Variants in ATIC observed in about 807,000 individuals in gnomAD.
The protein encoded by ATIC is bifunctional purine biosynthesis protein ATIC.
A neutral mutation model predicts 72.5 loss-of-function variants in ATIC; 64 were observed. The ratio of observed to expected loss-of-function variants is 0.88; its 90% CI spans 0.72 to 1.09. The LOEUF is 1.09. Ranked by LOEUF, ATIC falls within the 50% of genes least tolerant of loss-of-function variation. The probability of loss-of-function intolerance (pLI) is 0.00; values close to 1 mark genes in which losing one functional copy is unlikely to be tolerated. For synonymous variants in ATIC, 281 were observed against 267.1 expected, an observed-to-expected ratio of 1.05 and a Z score of -0.51; for missense variants, 787 against 732.4, an observed-to-expected ratio of 1.07 and a Z score of -0.86.
Position 215,312,137 on chromosome 2 carries a change from G to A in ATIC, c.-6G>A, listed in dbSNP as rs1384162710. On this transcript the variant is annotated 5_prime_UTR_variant, in exon 1 of 16. Coordinates refer to ENST00000236959, the MANE Select transcript of ATIC (RefSeq NM_004044.7). ...CCCGCTCGCCCTGAACCCAGTGCCT[G>A]CAGCCATGGCTCCCGGCCAGCTCGG... The A allele has an allele frequency of 6.5e-7, 1 of 1,526,802 alleles. No individual in the cohort carries two copies. The highest frequency in any genetic ancestry group is 2.5e-5 in the East Asian group (1 of 40,024). The allele number at this position is 1,526,802 out of a possible 1,614,324, so 94.6% of individuals were successfully genotyped here. A position where few individuals can be genotyped will look rare whatever the true frequency, so the allele number is the denominator to read the frequency against.
At position 215,346,817 on chromosome 2, in the gene ATIC, A is replaced by C; in HGVS notation, c.1379A>C (p.Asp460Ala). ...ATACACTGCACTCGCCTTGCAGGAG[A>C]TAAGGCAAACTATTGGTGGCTTAGA... ...SRIHCTRLAGDKANYWWLRHH... is the reference protein window; with the variant it reads ...SRIHCTRLAGAKANYWWLRHH... Residue 460 changes from aspartate to alanine, a missense_variant, in exon 14 of 16, where the codon GAT becomes GCT. Coordinates refer to ENST00000236959, the MANE Select transcript of ATIC (RefSeq NM_004044.7). The C allele has an allele frequency of 6.2e-7, 1 of 1,614,182 alleles. No individual in the cohort carries two copies. Among genetic ancestry groups the C allele is most frequent in the Non-Finnish European group, 8.5e-7 (1 of 1,180,042 alleles).
At chr2:215,328,458 C>T (rs950656406) in intron 7 of ATIC, among the ~76,000 whole-genome samples, 1 of 152,132 alleles carries the variant, frequency 6.6e-6, no homozygotes, top group African/African-American at 2.4e-5. Context: ...GCTAGCCCCT[C>T]CGCCCTGTGC....
chr2:215,317,415 T>C (rs762601837), intron 2 of ATIC, among the ~76,000 whole-genome samples: 1 of 152,260 alleles, frequency 6.6e-6, no homozygotes, highest in Admixed American at 6.5e-5. Flanking sequence ...TAACCCGTTA[T>C]TCCAATAGCA....
chr2:215,316,732 CAGTTTTGCTTCCTGCTTTA>C (rs1168380865), intron 2 of ATIC, among the ~76,000 whole-genome samples: 1 of 152,078 alleles, frequency 6.6e-6, no homozygotes, highest in Non-Finnish European at 1.5e-5. Context: ...AAGATAGATG[CAGTTTTGCTTCCTGCTTTA>C]TTTATTTTTA....
chr2:215,337,390 C>T (rs1234306859), intron 11 of ATIC, among the ~76,000 whole-genome samples: 6 of 151,866 alleles, frequency 4.0e-5, no homozygotes. Flanking sequence ...TTTTTTTAGC[C>T]ACTTGACAGT....
At chr2:215,362,104 A>C in the ATIC span, 1 of 1,555,282 alleles carries the variant, frequency 6.4e-7, no homozygotes, top group Non-Finnish European at 8.9e-7. Flanking sequence ...GCATGAAGTC[A>C]AATGGGGTTT....
chr2:215,334,688 A>G (rs1403549432), intron 9 of ATIC, among the ~76,000 whole-genome samples: 6 of 152,212 alleles, frequency 3.9e-5, no homozygotes, highest in Non-Finnish European at 8.8e-5. Flanking sequence ...TAGTATATAT[A>G]AATTGGTCCT....
At chr2:215,316,393 A>T (rs923487646) in intron 2 of ATIC, among the ~76,000 whole-genome samples, 2 of 152,152 alleles carry the variant, frequency 1.3e-5, no homozygotes, top group Admixed American at 1.3e-4. Flanking sequence ...TTAACAGGAG[A>T]ATCTACCCAG....
rs1182603505 is a variant in ATIC at position 215,325,340 on chromosome 2, A to G, written c.379+11A>G. 6.3e-7 allele frequency: 1 copy of G among 1,597,072 alleles called. No homozygotes were observed. Among genetic ancestry groups the G allele is most frequent in the African/African-American group, 1.3e-5 (1 of 74,668 alleles). ...AGCAAATTGACATTGGTAAGTCAGA[A>G]AAACCATTTTAGAAGACTGAGAGGA... is the stretch of plus-strand genomic sequence containing the variant. On this transcript the variant is annotated intron_variant, in intron 5 of 15. Transcript: ENST00000236959.
chr2:215,330,342 T>C (rs1019077054), intron 7 of ATIC, among the ~76,000 whole-genome samples: 4 of 152,234 alleles, frequency 2.6e-5, no homozygotes, highest in African/African-American at 9.6e-5. Context: ...TTTCAAGTTC[T>C]TTTTAAAACG....
At chr2:215,348,734 G>A (rs1386169696) in intron 14 of ATIC, 6 of 383,364 alleles carry the variant, frequency 1.6e-5, no homozygotes, top group East Asian at 1.9e-4. Context: ...AGGCCGAGGT[G>A]AGTGGATCAT....
chr2:215,327,429 G>A (rs183962045), intron 7 of ATIC, among the ~76,000 whole-genome samples: 4 of 152,294 alleles, frequency 2.6e-5, no homozygotes, highest in African/African-American at 9.6e-5. Flanking sequence ...TTGGAATATT[G>A]GATCTAGAAG....
At chr2:215,327,525 TC>T (rs1239180856) in intron 7 of ATIC, among the ~76,000 whole-genome samples, 1 of 152,222 alleles carries the variant, frequency 6.6e-6, no homozygotes, top group East Asian at 1.9e-4. Context: ...AGTAGGACTT[TC>T]TCTGGGTTTG....
chr2:215,365,966 A>ATTTTTTTTTTTTTTT, the ATIC span, among the ~76,000 whole-genome samples: 78 of 90,346 alleles, frequency 8.6e-4, no homozygotes, highest in African/African-American at 9.4e-4. Context: ...CCACAGTGCT[A>ATTTTTTTTTTTTTTT]TTTTTTTTTT....
chr2:215,368,102 G>T, the ATIC span: 2 of 1,432,928 alleles, frequency 1.4e-6, no homozygotes, highest in South Asian at 2.3e-5. Context: ...AAAATCGAAT[G>T]ACTGTATACA....
chr2:215,346,980 T>C lies in ATIC; in HGVS notation c.1503+39T>C, dbSNP rs377288843. 6.9e-6 allele frequency: 11 copies of C among 1,603,714 alleles called. No homozygotes were observed. In the East Asian group the frequency reaches 1.3e-4, roughly 20 times the overall value. ...CATTGGGTTCTCGGCTGTGTTAATA[T>C]TCAGTTCAACCCTTTATGTGTAACA... is the stretch of plus-strand genomic sequence containing the variant. On this transcript the variant is annotated intron_variant, in intron 14 of 15. Coordinates refer to ENST00000236959, the MANE Select transcript of ATIC (RefSeq NM_004044.7).
Position 215,338,703 on chromosome 2 carries a change from C to A in ATIC, c.1099-76C>A, listed in dbSNP as rs6721444. On this transcript the variant is annotated intron_variant, in intron 11 of 15. Coordinates refer to ENST00000236959, the MANE Select transcript of ATIC (RefSeq NM_004044.7). Reference sequence around the variant, plus strand: ...CATATAACTTTACTTACAATGAAATCTTTTGTATATAAATTAAATGAAAAA... The same window carrying A: ...CATATAACTTTACTTACAATGAAATATTTTGTATATAAATTAAATGAAAAA... 9,409 of 1,471,320 alleles carry A rather than the reference C, an allele frequency of 6.4e-3. 499 individuals carry two copies. The African/African-American group carries it at 0.12, about 18-fold the overall frequency. The allele number at this position is 1,471,320 out of a possible 1,614,324, so 91.1% of individuals were successfully genotyped here.
At chr2:215,347,681 T>A (rs1040419265) in intron 14 of ATIC, 2 of 483,018 alleles carry the variant, frequency 4.1e-6, no homozygotes, top group African/African-American at 3.9e-5. Flanking sequence ...CTGAAGTCCT[T>A]AAGATATCTT....
At chr2:215,348,600 T>A (rs949512199) in intron 14 of ATIC, 2 of 388,340 alleles carry the variant, frequency 5.2e-6, no homozygotes, top group African/African-American at 4.5e-5. Context: ...TTAATGAAAA[T>A]ATTTCTAAAA....
Sources: allele counts gnomAD v4.1 joint callset (sites outside exome capture counted in the v4.1 genomes callset), GRCh38; gene constraint gnomAD v4.1.1; transcripts MANE v1.5; gene names NCBI Gene and HGNC (gene_info 2026-07-23, HGNC 2026-07-21).